TOP2B: variants seen among roughly 807,000 people sequenced by gnomAD.
TOP2B encodes the protein DNA topoisomerase 2-beta.
TOP2B carries 51 observed loss-of-function variants against 193.5 expected under a neutral mutation model. That is an observed-to-expected ratio of 0.26 (90% CI 0.21 to 0.33). TOP2B has a LOEUF of 0.33. Ranked by LOEUF, TOP2B falls within the 10% of genes least tolerant of loss-of-function variation. The pLI, the probability that TOP2B is intolerant of heterozygous loss-of-function variation, is 1.00. For missense variants in TOP2B, 1,378 were observed against 1,909.3 expected, an observed-to-expected ratio of 0.72 and a Z score of 5.19; for synonymous variants, 634 against 635.7, an observed-to-expected ratio of 1.00 and a Z score of 0.04.
At chr3:25,639,823 C>G (rs982547363) in intron 4 of TOP2B, among the ~76,000 whole-genome samples, 1 of 152,138 alleles carries the variant, frequency 6.6e-6, no homozygotes, top group Admixed American at 6.5e-5. Context: ...ATCCCTACAT[C>G]ACAGAATACT....
chr3:25,627,304 A>G lies in TOP2B; in HGVS notation c.1907-8T>C. On this transcript the variant is annotated splice_region_variant and splice_polypyrimidine_tract_variant and intron_variant, in intron 15 of 35. Coordinates refer to ENST00000264331, the MANE Select transcript of TOP2B (RefSeq NM_001330700.2). ...CTGTACTAGTACCCAATCCTGCACA[A>G]TTTTAAAAATAAAAGTGAGTCATGA... The G allele has an allele frequency of 6.5e-7, 1 of 1,533,784 alleles. No homozygotes were observed. Among genetic ancestry groups the G allele is most frequent in the Non-Finnish European group, 8.8e-7 (1 of 1,136,986 alleles).
chr3:25,599,081 A>G (rs950477945), intron 35 of TOP2B, among the ~76,000 whole-genome samples: 2 of 152,218 alleles, frequency 1.3e-5, no homozygotes, highest in African/African-American at 4.8e-5. Flanking sequence ...AATTAAAAAA[A>G]AAATCAAATT....
Position 25,633,859 on chromosome 3 carries a change from ATTTAC to A in TOP2B, c.1003_1007del (p.Val335Ter), listed in dbSNP as rs1703028625. The A allele has an allele frequency of 2.5e-6, 4 of 1,611,472 alleles. No homozygotes were observed. Among genetic ancestry groups the A allele is most frequent in the Non-Finnish European group, 3.4e-6 (4 of 1,178,840 alleles). On this transcript the variant is annotated frameshift_variant, in exon 8 of 36. Transcript: ENST00000264331. LOFTEE classifies it high-confidence loss of function. ...TACTTACTTTTGTAGTTGCAATACT[ATTTAC>A]AAAGCTGATTTGCTGGAATCCTTTT...
chr3:25,620,113 C>A, intron 22 of TOP2B, 51 bp from the exon 23 acceptor site: 1 of 1,181,032 alleles, frequency 8.5e-7, no homozygotes, highest in South Asian at 1.4e-5. Context: ...CTCTCATGTT[C>A]TCATACTACA....
rs535114681 is a variant in TOP2B, at chr3:25,609,444, C to T, written c.3932-100G>A. Reference sequence around the variant, plus strand: ...AATGAAAAGTTCATTACAAAATAAACGTTTATGAAAATTGAAGGCATTATT... The same window carrying T: ...AATGAAAAGTTCATTACAAAATAAATGTTTATGAAAATTGAAGGCATTATT... On this transcript the variant is annotated intron_variant, in intron 29 of 35. Transcript: ENST00000264331. The T allele has an allele frequency of 3.5e-5, 51 of 1,458,248 alleles. No homozygotes were observed. In the African/African-American group the frequency reaches 5.6e-4, roughly 16 times the overall value. The allele number at this position is 1,458,248 out of a possible 1,614,324, so 90.3% of individuals were successfully genotyped here.
rs1704036144 is a variant in TOP2B at position 25,664,623 on chromosome 3, C to G, written c.-326G>C. On this transcript the variant is annotated 5_prime_UTR_variant, in exon 1 of 36. Transcript: ENST00000264331. ...CCCGCCCGCGGGCGCCGCTGCAGGC[C>G]GGGCTGAAGCCCGGGCGTGCGAGCC... is the stretch of plus-strand genomic sequence containing the variant. 1 of 992,686 alleles carries G rather than the reference C, an allele frequency of 1.0e-6. No homozygotes were observed. Among genetic ancestry groups the G allele is most frequent in the Non-Finnish European group, 1.2e-6 (1 of 835,356 alleles). 61.5% of individuals were successfully genotyped at this position (992,686 alleles called of 1,614,324 possible).
chr3:25,635,815 A>G, intron 7 of TOP2B, 121 bp downstream of exon 7: 1 of 727,578 alleles, frequency 1.4e-6, no homozygotes, highest in Non-Finnish European at 2.2e-6. Flanking sequence ...ATCACTTTAA[A>G]TGTGAATCAT....
intron 1 of TOP2B, among the ~76,000 whole-genome samples, chr3:25,659,928 G>A (rs978775827): frequency 2.0e-5 from 3 of 152,102 alleles, no homozygotes; most frequent in Admixed American, 6.5e-5. Flanking sequence ...CTCTAAACCC[G>A]TTTCCTTCTC....
chr3:25,612,035 C>T (rs193167954), intron 28 of TOP2B, among the ~76,000 whole-genome samples: 49 of 152,096 alleles, frequency 3.2e-4, no homozygotes, highest in African/African-American at 1.0e-3. Context: ...CTCCGCCTCC[C>T]GGGTTCGCAC....
rs749573262 is a variant in TOP2B at position 25,612,508 on chromosome 3, G to C, written c.3786+7C>G. On this transcript the variant is annotated splice_region_variant and intron_variant, in intron 28 of 35. Coordinates refer to ENST00000264331, the MANE Select transcript of TOP2B (RefSeq NM_001330700.2). ...TGAGTCTATCAATGACAAGAGGTAT[G>C]TCATACCTTCTTCTTCTTCAGCAAC... 1.7e-5 allele frequency: 28 copies of C among 1,602,218 alleles called. No homozygotes were observed. The highest frequency in any genetic ancestry group is 1.2e-4 in the Admixed American group (7 of 59,672).
chr3:25,605,133 A>G (rs1702203747), intron 32 of TOP2B, among the ~76,000 whole-genome samples: 1 of 152,180 alleles, frequency 6.6e-6, no homozygotes, highest in African/African-American at 2.4e-5. Flanking sequence ...TATTTAAAAC[A>G]TAACTGACCA....
intron 4 of TOP2B, among the ~76,000 whole-genome samples, chr3:25,640,973 G>C (rs1257826770): frequency 6.6e-6 from 1 of 151,924 alleles, no homozygotes; most frequent in Non-Finnish European, 1.5e-5. Context: ...GTAGAGACAG[G>C]TTTTCACCAT....
At chr3:25,636,316 A>G (rs1367526251) in intron 6 of TOP2B, among the ~76,000 whole-genome samples, 168 bp from the exon 7 acceptor site, 2 of 152,144 alleles carry the variant, frequency 1.3e-5, no homozygotes, top group Non-Finnish European at 2.9e-5. Flanking sequence ...AATAGTAAAT[A>G]CAGTCAGCCC....
In TOP2B at chr3:25,618,501, A is replaced by C; in HGVS notation, c.3268T>G (p.Ser1090Ala). Residue 1090 changes from serine to alanine, a missense_variant, in exon 25 of 36, where the codon TCA becomes GCA. Physicochemically the swap from Ser to Ala is moderately conservative, Grantham distance 99 (BLOSUM62 1). Around this residue, in one of 9 missense-constraint regions of TOP2B, gnomAD observed 379 missense variants for 615.1 expected, o/e 0.62. Transcript: ENST00000264331. ...AACATTTGAATCAAATCTTTCTTTG[A>C]CCTATTCTCTATGTGAGGGAAAAAT... ...IQGKITIENR[S>A]KKDLIQMLVQ... The C allele has an allele frequency of 6.2e-7, 1 of 1,610,666 alleles. No individual in the cohort carries two copies. Among genetic ancestry groups the C allele is most frequent in the Non-Finnish European group, 8.5e-7 (1 of 1,177,682 alleles).
In TOP2B at chr3:25,598,140, A is replaced by AAAACTGTATGTGTAAGAAC; in HGVS notation, c.*148_*166dup. On this transcript the variant is annotated 3_prime_UTR_variant, in exon 36 of 36. Transcript: ENST00000264331. ...CATTTCAATGAGTAAAAAAGAGCAT[A>AAAACTGTATGTGTAAGAAC]AAACTGTATGTGTAAGAACAAAATG... The AAAACTGTATGTGTAAGAAC allele has an allele frequency of 1.5e-6, 1 of 645,220 alleles. No individual in the cohort carries two copies. The highest frequency in any genetic ancestry group is 3.4e-5 in the Admixed American group (1 of 29,674). 40.0% of individuals were successfully genotyped at this position (645,220 alleles called of 1,614,324 possible). A position where few individuals can be genotyped will look rare whatever the true frequency, so the allele number is the denominator to read the frequency against.
In TOP2B at chr3:25,638,222, T is replaced by C. The variant is rs762108479; in HGVS notation, c.484A>G (p.Ile162Val). The change falls in exon 5 of 36, where the codon ATT becomes GTT. Residue 162 changes from isoleucine (I) to valine (V), a missense_variant. Ile to Val is a conservative substitution (Grantham distance 29). This residue lies in a region of TOP2B where 9 missense variants were observed against 36.6 expected (regional missense o/e 0.25). Transcript: ENST00000264331. The part of the protein sequence containing the change: ...KVEKVYVPAL[I>V]FGQLLTSSNY... The stretch of plus-strand genomic sequence containing the variant: ...CTGGATGTTAAAAGCTGTCCAAAAA[T>C]TAAAGCAGGAACATAAACTTTCTCT... 1.1e-5 allele frequency: 16 copies of C among 1,501,612 alleles called. No homozygotes were observed. Among genetic ancestry groups the C allele is most frequent in the Middle Eastern group, 1.8e-4 (1 of 5,690 alleles). The allele number at this position is 1,501,612 out of a possible 1,614,324, so 93.0% of individuals were successfully genotyped here. A position where few individuals can be genotyped will look rare whatever the true frequency, so the allele number is the denominator to read the frequency against.
chr3:25,659,966 C>T (rs1203573038), intron 1 of TOP2B, among the ~76,000 whole-genome samples: 2 of 152,148 alleles, frequency 1.3e-5, no homozygotes, highest in South Asian at 2.1e-4. Flanking sequence ...ATAGCTACTT[C>T]AACTTTTCGT....
chr3:25,647,591 C>G (rs564103529), intron 1 of TOP2B, among the ~76,000 whole-genome samples: 1 of 150,538 alleles, frequency 6.6e-6, no homozygotes, highest in South Asian at 2.1e-4. Context: ...ATGAACTAAA[C>G]TGAACTAAAG....
intron 18 of TOP2B, chr3:25,625,080 T>A: frequency 4.0e-6 from 1 of 250,242 alleles, no homozygotes; most frequent in East Asian, 9.1e-5. Context: ...CCTTAAAGAA[T>A]CACCTAGTGG....
Sources: allele counts gnomAD v4.1 joint callset (sites outside exome capture counted in the v4.1 genomes callset), GRCh38; gene constraint gnomAD v4.1.1; regional missense constraint gnomAD v4.1.1; transcripts MANE v1.5; gene names NCBI Gene and HGNC (gene_info 2026-07-23, HGNC 2026-07-21).